ZNF735: variants seen among roughly 807,000 people sequenced by gnomAD.
The protein encoded by ZNF735 is putative zinc finger protein 735.
Under a neutral mutation model 13.4 loss-of-function variants are expected in ZNF735, and 11 were observed. The ratio of observed to expected loss-of-function variants is 0.82; its 90% CI spans 0.52 to 1.36. The LOEUF (loss-of-function observed/expected upper bound fraction) is 1.36. ZNF735 is among the 40% of genes most tolerant of loss of function. The pLI, the probability that ZNF735 is intolerant of heterozygous loss-of-function variation, is 0.00. For missense variants in ZNF735, 500 were observed against 484.6 expected, an observed-to-expected ratio of 1.03 and a Z score of -0.30; for synonymous variants, 171 against 162.6, an observed-to-expected ratio of 1.05 and a Z score of -0.39.
At chr7:64,211,347 T>C (rs1038368483) in intron 1 of ZNF735, among the ~76,000 whole-genome samples, 1 of 152,198 alleles carries the variant, frequency 6.6e-6, no homozygotes, top group Non-Finnish European at 1.5e-5. Flanking sequence ...CATACCTTGT[T>C]GAGGTTTCAT....
chr7:64,213,920 C>T, intron 2 of ZNF735, 93 bp from the exon 3 acceptor site: 1 of 1,212,422 alleles, frequency 8.2e-7, no homozygotes, highest in East Asian at 3.2e-5. Context: ...GATCATGCCA[C>T]TGCACTCCAG....
At chr7:64,217,971 A>G (rs915660612) in intron 3 of ZNF735, among the ~76,000 whole-genome samples, 1 of 152,110 alleles carries the variant, frequency 6.6e-6, no homozygotes, top group Non-Finnish European at 1.5e-5. Context: ...TTTTCTGTAC[A>G]ATCACAATAA....
intron 3 of ZNF735, 47 bp downstream of exon 3, chr7:64,214,155 A>G: frequency 6.3e-7 from 1 of 1,580,398 alleles, no homozygotes; most frequent in Non-Finnish European, 8.6e-7. Flanking sequence ...GATGTCCACA[A>G]GTCAAGGAGG....
At chr7:64,208,518 A>G (rs1015448053) in intron 1 of ZNF735, among the ~76,000 whole-genome samples, 19 of 151,966 alleles carry the variant, frequency 1.3e-4, no homozygotes, top group African/African-American at 3.1e-4. Context: ...CAGCCTCCCA[A>G]CAGGCTTGGG....
At chr7:64,210,956 A>G (rs375887036) in intron 1 of ZNF735, among the ~76,000 whole-genome samples, 66 of 152,258 alleles carry the variant, frequency 4.3e-4, no homozygotes, top group African/African-American at 1.5e-3. Context: ...AAAGAAAAAA[A>G]TCACTTTTTC....
intron 3 of ZNF735, among the ~76,000 whole-genome samples, chr7:64,215,100 T>G (rs1787404792): frequency 2.6e-5 from 4 of 151,808 alleles, no homozygotes; most frequent in Admixed American, 1.3e-4. Flanking sequence ...TTTCTCTTGT[T>G]GCCTAAGCTG....
intron 3 of ZNF735, 126 bp from the exon 4 acceptor site, chr7:64,219,188 A>G (rs1445888636): frequency 1.5e-5 from 18 of 1,192,176 alleles, no homozygotes; most frequent in Non-Finnish European, 2.0e-5. Context: ...TGAAGGAATT[A>G]TGGCCTGTGG....
In ZNF735 at chr7:64,213,988, T is replaced by C. The variant is rs190336582; in HGVS notation, c.167-25T>C. 44 of 1,559,342 alleles carry C rather than the reference T, an allele frequency of 2.8e-5. No individual in the cohort carries two copies. The East Asian group carries it at 7.5e-4, about 27-fold the overall frequency. On this transcript the variant is annotated intron_variant, in intron 2 of 3. Coordinates refer to ENST00000429565, the Ensembl canonical transcript of ZNF735. Reference sequence around the variant, plus strand: ...AATAAATAAATAAATAAGATTTAAGTTACTTTTTTTTCTTAATAAAACAGG... The same window carrying C: ...AATAAATAAATAAATAAGATTTAAGCTACTTTTTTTTCTTAATAAAACAGG...
At chr7:64,210,825 C>T (rs1281233934) in intron 1 of ZNF735, among the ~76,000 whole-genome samples, 1 of 151,894 alleles carries the variant, frequency 6.6e-6, no homozygotes, top group Non-Finnish European at 1.5e-5. Context: ...GTCTTTCTGC[C>T]CTTGGGTGTG....
chr7:64,213,835 T>G (rs1371626068), intron 2 of ZNF735, among the ~76,000 whole-genome samples, 178 bp from the exon 3 acceptor site: 1 of 152,050 alleles, frequency 6.6e-6, no homozygotes, highest in African/African-American at 2.4e-5. Context: ...GGTATGTGCC[T>G]GTAGTCCCAG....
intron 3 of ZNF735, 84 bp from the exon 4 acceptor site, chr7:64,219,230 T>G: frequency 1.3e-6 from 2 of 1,509,632 alleles, no homozygotes; most frequent in Non-Finnish European, 8.8e-7. Context: ...TAATGTACCT[T>G]GAACAATTTT....
At chr7:64,218,747 A>G (rs1787451915) in intron 3 of ZNF735, among the ~76,000 whole-genome samples, 1 of 152,140 alleles carries the variant, frequency 6.6e-6, no homozygotes, top group African/African-American at 2.4e-5. Context: ...ACCTTTCACA[A>G]TCTTTGTAAT....
exon 4 of ZNF735, chr7:64,219,391 A>T: frequency 6.2e-7 from 1 of 1,614,010 alleles, no homozygotes; most frequent in Non-Finnish European, 8.5e-7. Flanking sequence ...AATACCAAGA[A>T]CATATGGAAA....
At chr7:64,214,211 AAG>A (rs1787393347) in intron 3 of ZNF735, 103 bp downstream of exon 3, 16 of 1,249,748 alleles carry the variant, frequency 1.3e-5, no homozygotes, top group Admixed American at 2.6e-5. Flanking sequence ...CTTTTATGGA[AAG>A]AGTTTCTGAG....
intron 1 of ZNF735, among the ~76,000 whole-genome samples, chr7:64,209,396 G>T (rs1370229038): frequency 6.6e-6 from 1 of 151,108 alleles, no homozygotes; most frequent in East Asian, 1.9e-4. Flanking sequence ...GCCCAGGCTG[G>T]AGTGCAGTGG....
chr7:64,214,235 T>C (rs1418509881), intron 3 of ZNF735, 127 bp downstream of exon 3: 1 of 1,000,624 alleles, frequency 1.0e-6, no homozygotes, highest in Non-Finnish European at 1.4e-6. Flanking sequence ...AGCTTGAGTA[T>C]TTTTTATTTT....
intron 2 of ZNF735, 149 bp downstream of exon 2, chr7:64,213,367 C>A: frequency 1.2e-6 from 1 of 844,652 alleles, no homozygotes; most frequent in Non-Finnish European, 1.8e-6. Context: ...TTAAATTCTT[C>A]AAGATGTTTT....
chr7:64,209,412 T>A (rs1201022289), intron 1 of ZNF735, among the ~76,000 whole-genome samples: 2 of 151,832 alleles, frequency 1.3e-5, no homozygotes, highest in East Asian at 1.9e-4. Context: ...AGTGGCGTGA[T>A]CTCGGCTCAC....
exon 4 of ZNF735, chr7:64,219,610 T>G: frequency 6.3e-7 from 1 of 1,575,896 alleles, no homozygotes; most frequent in Non-Finnish European, 8.6e-7. Context: ...ACATTTGAAA[T>G]GTAAAAAATA....
Sources: gnomAD v4.1 joint callset for allele counts (sites outside exome capture counted in the v4.1 genomes callset) on GRCh38, gnomAD v4.1.1 for gene constraint, MANE v1.5 for transcripts, NCBI Gene and HGNC (gene_info 2026-07-23, HGNC 2026-07-21) for gene names.